The following RCL1 variants were observed in gnomAD, a reference collection of about 807,000 sequenced individuals.
RCL1 encodes the protein RNA terminal phosphate cyclase like 1.
Under a neutral mutation model 42.4 loss-of-function variants are expected in RCL1, and 24 were observed. The observed-to-expected ratio is 0.57, with a 90% CI of 0.41 to 0.80. The LOEUF is 0.80. Among genes scored for constraint, RCL1 ranks in the 30% least tolerant of loss-of-function variants. The pLI is 0.00. For synonymous variants in RCL1, 228 were observed against 177.3 expected (o/e 1.29, Z -2.27); for missense variants, 578 against 467.9 (o/e 1.24, Z -2.17).
intron 5 of RCL1, 47 bp downstream of exon 5, chr9:4,834,312 C>A (rs201288279): frequency 2.5e-6 from 4 of 1,570,902 alleles, no homozygotes; most frequent in Non-Finnish European, 3.5e-6. Flanking sequence ...GTTGTTGTTG[C>A]CTCACTAAGA....
intron 5 of RCL1, among the ~76,000 whole-genome samples, chr9:4,840,632 T>C (rs1817285341): frequency 6.6e-6 from 1 of 152,204 alleles, no homozygotes; most frequent in Middle Eastern, 3.2e-3. Context: ...AGTGGAGTAA[T>C]TAATTCTTAA....
rs1476231027 is a variant in RCL1, at chr9:4,834,232, A to T, written c.551A>T (p.Asp184Val). Residue 184 changes from aspartate (D) to valine (V), a missense_variant, in exon 5 of 9, where the codon GAT becomes GTT. Transcript: ENST00000381750. Reference sequence around the variant, plus strand: ...GTCTTGAAGCCCATTCAACTCACAGATCCAGGAAAAATCAAACGTATTAGA... The same window carrying T: ...GTCTTGAAGCCCATTCAACTCACAGTTCCAGGAAAAATCAAACGTATTAGA... ...RKVLKPIQLTDPGKIKRIRGM... is the reference protein window; with the variant it reads ...RKVLKPIQLTVPGKIKRIRGM... 2 of 1,613,428 alleles carry T rather than the reference A, an allele frequency of 1.2e-6. No homozygotes were observed. The highest frequency in any genetic ancestry group is 2.2e-5 in the South Asian group (2 of 91,062).
intron 6 of RCL1, among the ~76,000 whole-genome samples, chr9:4,843,036 A>G (rs1817388757): frequency 1.3e-5 from 2 of 152,222 alleles, no homozygotes; most frequent in South Asian, 4.1e-4. Context: ...AGACATGGAC[A>G]TGATGTAGAC....
chr9:4,828,546 GT>G (rs35253567), intron 3 of RCL1, among the ~76,000 whole-genome samples: 63 of 145,510 alleles, frequency 4.3e-4, no homozygotes, highest in African/African-American at 1.2e-3. Flanking sequence ...TTAATTAAGT[GT>G]TTTTTTTTTT....
intron 2 of RCL1, among the ~76,000 whole-genome samples, chr9:4,825,785 C>G (rs1816740531): frequency 6.6e-6 from 1 of 151,972 alleles, no homozygotes; most frequent in Non-Finnish European, 1.5e-5. Flanking sequence ...TGCCTGTAAT[C>G]CCAGCACTTT....
chr9:4,837,211 G>A (rs1817169279), intron 5 of RCL1, among the ~76,000 whole-genome samples: 1 of 152,120 alleles, frequency 6.6e-6, no homozygotes, highest in Middle Eastern at 3.2e-3. Flanking sequence ...CTTATTAACA[G>A]ATGCATTGTA....
Position 4,826,864 on chromosome 9 carries a change from C to A in RCL1, c.215C>A (p.Thr72Asn), listed in dbSNP as rs1371612075. 5 of 1,612,512 alleles carry A rather than the reference C, an allele frequency of 3.1e-6. No individual in the cohort carries two copies. Among genetic ancestry groups the A allele is most frequent in the Middle Eastern group, 1.7e-4 (1 of 6,044 alleles). The change falls in exon 3 of 9, where the codon ACC becomes AAC. Residue 72 changes from threonine (T) to asparagine (N), a missense_variant. Thr to Asn is a moderately conservative substitution (Grantham distance 65). Transcript: ENST00000381750. ...SRIEINQTGT[T>N]LYYQPGLLYG... is the part of the protein sequence containing the mutation. ...CTTTTTCTTCTGGTTTAAGGAACAACCTTATATTATCAGCCTGGCCTCCTG... is the reference window on the plus strand; with the variant it reads ...CTTTTTCTTCTGGTTTAAGGAACAAACTTATATTATCAGCCTGGCCTCCTG...
At chr9:4,809,143 G>C (rs1371142189) in intron 1 of RCL1, among the ~76,000 whole-genome samples, 1 of 151,306 alleles carries the variant, frequency 6.6e-6, no homozygotes, top group Admixed American at 6.6e-5. Flanking sequence ...CCATAATACA[G>C]ACATACCAAT....
Position 4,829,012 on chromosome 9 carries a change from C to T in RCL1, c.384+1979C>T, listed in dbSNP as rs190343149. 1.4e-4 allele frequency among the ~76,000 whole-genome samples: 21 copies of T among 152,256 alleles called. No homozygotes were observed. The East Asian group carries it at 3.7e-3, about 27-fold the overall frequency. ...AGCTTCTTCTTTTCTTTGTGGTTTC[C>T]TCATTAGTTCATGTCTGCATCTACT... is the stretch of plus-strand genomic sequence containing the variant. On this transcript the variant is annotated intron_variant, in intron 3 of 8. Coordinates refer to ENST00000381750, the MANE Select transcript of RCL1 (RefSeq NM_005772.5).
At chr9:4,852,807 T>C (rs1378838525) in intron 8 of RCL1, among the ~76,000 whole-genome samples, 1 of 150,934 alleles carries the variant, frequency 6.6e-6, no homozygotes, top group African/African-American at 2.4e-5. Context: ...GGAGCAGGAC[T>C]ACCCCAGAGG....
rs1587713010 is a variant in RCL1 at position 4,826,944 on chromosome 9, C to T, written c.295C>T (p.Leu99=). 6.2e-7 allele frequency: 1 copy of T among 1,614,120 alleles called. No homozygotes were observed. Among genetic ancestry groups the T allele is most frequent in the South Asian group, 1.1e-5 (1 of 91,080 alleles). Residue 99 remains leucine (L), a synonymous_variant, in exon 3 of 9, where the codon CTG becomes TTG. Coordinates refer to ENST00000381750, the MANE Select transcript of RCL1 (RefSeq NM_005772.5). ...CSVLRGIGYY[L]ESLLCLAPFM... ...CGTCCTTCGTGGCATTGGGTATTAC[C>T]TGGAGAGTCTTCTTTGCTTGGCTCC... is the stretch of plus-strand genomic sequence containing the variant.
intron 1 of RCL1, among the ~76,000 whole-genome samples, chr9:4,823,255 T>C (rs1816652730): frequency 4.6e-5 from 7 of 151,432 alleles, no homozygotes. Flanking sequence ...CTGAAAGTAA[T>C]ATCCCATTAG....
intron 6 of RCL1, among the ~76,000 whole-genome samples, chr9:4,844,141 C>T (rs1183123402): frequency 6.6e-6 from 1 of 152,012 alleles, no homozygotes; most frequent in Admixed American, 6.5e-5. Flanking sequence ...TGGCTAGTCT[C>T]CTGCCAGACA....
At position 4,820,992 on chromosome 9, in the gene RCL1, A is replaced by T. The variant is rs554697763; in HGVS notation, c.137-2556A>T. Among the ~76,000 whole-genome samples the T allele has an allele frequency of 3.9e-5, 6 of 152,228 alleles. No homozygotes were observed. The South Asian group carries it at 1.2e-3, about 32-fold the overall frequency. On this transcript the variant is annotated intron_variant, in intron 1 of 8. Transcript: ENST00000381750. Reference sequence around the variant, plus strand: ...TAATTTTTTTTAATGTTGATTAGAGATCCATTAAATTAACTATAAGATCCT... The same window carrying T: ...TAATTTTTTTTAATGTTGATTAGAGTTCCATTAAATTAACTATAAGATCCT...
At chr9:4,829,061 G>C (rs892873668) in intron 3 of RCL1, among the ~76,000 whole-genome samples, 5 of 152,224 alleles carry the variant, frequency 3.3e-5, no homozygotes, top group Non-Finnish European at 7.3e-5. Flanking sequence ...GATGAAATGA[G>C]TGATTCTGTC....
chr9:4,829,148 G>C (rs750647648), intron 3 of RCL1, among the ~76,000 whole-genome samples: 1 of 152,218 alleles, frequency 6.6e-6, no homozygotes, highest in Non-Finnish European at 1.5e-5. Context: ...ATACCCTTGG[G>C]CTCGATAGAG....
At chr9:4,816,323 A>C (rs554536914) in intron 1 of RCL1, among the ~76,000 whole-genome samples, 1 of 152,174 alleles carries the variant, frequency 6.6e-6, no homozygotes, top group Non-Finnish European at 1.5e-5. Flanking sequence ...ACAATACTTC[A>C]TAGTTTTAAT....
intron 1 of RCL1, among the ~76,000 whole-genome samples, chr9:4,802,723 T>A (rs1182051867): frequency 6.6e-6 from 1 of 152,286 alleles, no homozygotes; most frequent in Non-Finnish European, 1.5e-5. Context: ...GAAAAAAATT[T>A]TATTCTGTCT....
At chr9:4,833,279 C>A in intron 4 of RCL1, 51 bp downstream of exon 4, 1 of 1,362,876 alleles carries the variant, frequency 7.3e-7, no homozygotes, top group South Asian at 1.2e-5. Flanking sequence ...AACATTTTCC[C>A]ACTGACTCAT....
Sources: gnomAD v4.1 joint callset for allele counts (sites outside exome capture counted in the v4.1 genomes callset) on GRCh38, gnomAD v4.1.1 for gene constraint, MANE v1.5 for transcripts, NCBI Gene and HGNC (gene_info 2026-07-23, HGNC 2026-07-21) for gene names.